Variants in PALLD observed in about 807,000 individuals in gnomAD.
The protein encoded by PALLD is palladin.
PALLD carries 61 observed loss-of-function variants against 123.5 expected under a neutral mutation model. The ratio of observed to expected loss-of-function variants is 0.49; its 90% CI spans 0.40 to 0.61. The LOEUF (loss-of-function observed/expected upper bound fraction) is 0.61, where lower values mean the gene tolerates loss of function less well. Among genes scored for constraint, PALLD ranks in the 20% least tolerant of loss-of-function variants. The pLI is 0.00. For missense variants in PALLD, 1,273 were observed against 1,377.0 expected (o/e 0.92, Z 1.20); for synonymous variants, 465 against 496.4 (o/e 0.94, Z 0.84).
At chr4:168,803,119 C>T (rs1352460955) in intron 10 of PALLD, among the ~76,000 whole-genome samples, 2 of 152,184 alleles carry the variant, frequency 1.3e-5, no homozygotes, top group Non-Finnish European at 2.9e-5. Context: ...CTATAAAGAA[C>T]TACCTGAGAC....
At chr4:168,669,529 G>T (rs1779970508) in intron 3 of PALLD, among the ~76,000 whole-genome samples, 1 of 152,056 alleles carries the variant, frequency 6.6e-6, no homozygotes. Context: ...AGCCCATGAG[G>T]TCAAGGTTAC....
At position 168,506,397 on chromosome 4, in the gene PALLD, G is replaced by A. The variant is rs139359523; in HGVS notation, c.-82-5026G>A. On this transcript the variant is annotated intron_variant, in intron 1 of 21. Transcript: ENST00000505667. ...TCTCTCTCTCCCTTTCTCTCTTACCGCCCCCCATGCCCCAACACACATACA... is the reference window on the plus strand; with the variant it reads ...TCTCTCTCTCCCTTTCTCTCTTACCACCCCCCATGCCCCAACACACATACA... Among the ~76,000 whole-genome samples the A allele has an allele frequency of 5.3e-4, 79 of 150,030 alleles. 2 individuals are homozygous for A. The East Asian group carries it at 0.012, about 23-fold the overall frequency.
At position 168,878,091 on chromosome 4, in the gene PALLD, CGCCCTTCGCGCA is replaced by C. The variant is rs1560839415; in HGVS notation, c.1965-12822_1965-12811del. 5 of 1,443,248 alleles carry C rather than the reference CGCCCTTCGCGCA, an allele frequency of 3.5e-6. No homozygotes were observed. The highest frequency in any genetic ancestry group is 3.0e-5 in the East Asian group (1 of 33,864). 89.4% of individuals were successfully genotyped at this position (1,443,248 alleles called of 1,614,324 possible). On this transcript the variant is annotated intron_variant, in intron 10 of 21. Transcript: ENST00000505667. ...AGGCAGTTCGGCCGCGCCCCCGTGC[CGCCCTTCGCGCA>C]GCCCTTCGGCGCTGAGCCCGAGGCC...
intron 2 of PALLD, among the ~76,000 whole-genome samples, chr4:168,535,719 A>C (rs1012137764): frequency 1.3e-5 from 2 of 152,204 alleles, no homozygotes; most frequent in African/African-American, 4.8e-5. Context: ...GTTCCATTTG[A>C]ACACCCATTG....
At chr4:168,498,645 T>C (rs565009486) in intron 1 of PALLD, among the ~76,000 whole-genome samples, 6 of 152,328 alleles carry the variant, frequency 3.9e-5, no homozygotes, top group African/African-American at 1.4e-4. Flanking sequence ...AGTTAATGAC[T>C]GTGTCCCGGT....
intron 10 of PALLD, among the ~76,000 whole-genome samples, chr4:168,800,433 A>G (rs1427906614): frequency 6.6e-6 from 1 of 152,220 alleles, no homozygotes; most frequent in Non-Finnish European, 1.5e-5. Context: ...ACCAGGCAAT[A>G]AAAAATAAAT....
intron 2 of PALLD, among the ~76,000 whole-genome samples, chr4:168,662,825 C>T (rs1017371292): frequency 6.6e-6 from 1 of 152,206 alleles, no homozygotes. Context: ...ACACCCATCT[C>T]GTCCAATGTG....
intron 10 of PALLD, among the ~76,000 whole-genome samples, chr4:168,792,072 T>G (rs1200993743): frequency 6.6e-6 from 1 of 152,180 alleles, no homozygotes; most frequent in Non-Finnish European, 1.5e-5. Flanking sequence ...CTCTGAAGAA[T>G]GCACATATGT....
intron 2 of PALLD, among the ~76,000 whole-genome samples, chr4:168,604,581 G>A (rs1772983788): frequency 6.6e-6 from 1 of 152,184 alleles, no homozygotes; most frequent in South Asian, 2.1e-4. Flanking sequence ...AAGACACAAA[G>A]AGCATATGTC....
chr4:168,511,287 T>C, intron 1 of PALLD, 136 bp from the exon 2 acceptor site: 1 of 552,232 alleles, frequency 1.8e-6, no homozygotes, highest in African/African-American at 1.9e-5. Flanking sequence ...ATACTTGATA[T>C]TTCTTCCAAC....
rs1750763341 is a variant in PALLD, at chr4:168,869,310, C to T, written c.1965-21612C>T. 1.3e-5 allele frequency among the ~76,000 whole-genome samples: 2 copies of T among 152,118 alleles called. No individual in the cohort carries two copies. On this transcript the variant is annotated intron_variant, in intron 10 of 21. Transcript: ENST00000505667. This position sits in a 1 kb window ranked among gnomAD's most constrained non-coding sequence, Gnocchi z 4.5. ...TAGAACACATCTGGCTCTGGGCGAT[C>T]TGGGCTGGTGTGTGAGATGATAATG...
chr4:168,857,791 T>A (rs7682227), intron 10 of PALLD, among the ~76,000 whole-genome samples: 6,080 of 152,302 alleles, frequency 0.04, 389 homozygotes, highest in African/African-American at 0.13. Context: ...AAATCTTTGG[T>A]CAGAACCAGT....
At chr4:168,837,899 C>G (rs1352172289) in intron 10 of PALLD, among the ~76,000 whole-genome samples, 1 of 152,096 alleles carries the variant, frequency 6.6e-6, no homozygotes, top group African/African-American at 2.4e-5. Context: ...GAACAGTAAG[C>G]AAAACAAACT....
chr4:168,906,207 ACTGGGAAC>A (rs1354327468), intron 15 of PALLD, among the ~76,000 whole-genome samples: 1 of 152,156 alleles, frequency 6.6e-6, no homozygotes, highest in East Asian at 1.9e-4. Context: ...ATTTGCCAAC[ACTGGGAAC>A]CTGCTATTAA....
chr4:168,922,085 TTA>T (rs149658107), intron 18 of PALLD, among the ~76,000 whole-genome samples: 4,416 of 134,074 alleles, frequency 0.033, 197 homozygotes, highest in African/African-American at 0.1. Context: ...AGTTTTATAT[TTA>T]TATATATATA....
At chr4:168,701,291 A>G (rs1353964146) in intron 8 of PALLD, among the ~76,000 whole-genome samples, 5 of 152,288 alleles carry the variant, frequency 3.3e-5, no homozygotes, top group African/African-American at 1.2e-4. Flanking sequence ...CAGTGCTCAG[A>G]AGGCAATGAT....
At chr4:168,502,329 A>T (rs193287349) in intron 1 of PALLD, among the ~76,000 whole-genome samples, 3 of 152,180 alleles carry the variant, frequency 2.0e-5, no homozygotes, top group African/African-American at 4.8e-5. Context: ...TCTAGTTCCA[A>T]ATTTTTTCAT....
At chr4:168,658,933 G>A (rs879662358) in intron 2 of PALLD, among the ~76,000 whole-genome samples, 1 of 152,176 alleles carries the variant, frequency 6.6e-6, no homozygotes, top group African/African-American at 2.4e-5. Context: ...TGGCCTTCGA[G>A]CTAAGCAGTC....
At chr4:168,909,784 G>A (rs1057039812) in intron 15 of PALLD, among the ~76,000 whole-genome samples, 1 of 152,088 alleles carries the variant, frequency 6.6e-6, no homozygotes, top group African/African-American at 2.4e-5. Context: ...GTCAAAAATA[G>A]TATGTTCAGA....
Sources: gnomAD v4.1 joint callset for allele counts (sites outside exome capture counted in the v4.1 genomes callset) on GRCh38, gnomAD v4.1.1 for gene constraint, Gnocchi (gnomAD v3.1) non-coding constraint, MANE v1.5 for transcripts, NCBI Gene and HGNC (gene_info 2026-07-23, HGNC 2026-07-21) for gene names.